Variants in GNB4 observed in about 807,000 individuals in gnomAD.
GNB4 encodes G protein subunit beta 4.
Under a neutral mutation model 45.2 loss-of-function variants are expected in GNB4, and 28 were observed. The ratio of observed to expected loss-of-function variants is 0.62; its 90% confidence interval spans 0.46 to 0.85. The LOEUF (loss-of-function observed/expected upper bound fraction) is 0.85, where lower values mean the gene tolerates loss of function less well. GNB4 is among the 40% of genes least tolerant of loss of function. The pLI, the probability that GNB4 is intolerant of heterozygous loss-of-function variation, is 0.00. For synonymous variants in GNB4, 132 were observed against 143.7 expected (o/e 0.92, Z 0.58); for missense variants, 321 against 425.4 (o/e 0.75, Z 2.16).
chr3:179,485,226 A>C, the GNB4 span, among the ~76,000 whole-genome samples: 1 of 151,702 alleles, frequency 6.6e-6, no homozygotes, highest in Non-Finnish European at 1.5e-5. Context: ...GTTAGCCAGG[A>C]TGGTCTCCAT....
rs1474819930 is a variant in GNB4, at chr3:179,397,303, C to CA, written c.*3909dup. 4 of 152,134 alleles carry CA rather than the reference C, an allele frequency of 2.6e-5. No homozygotes were observed. The highest frequency in any genetic ancestry group is 9.7e-5 in the African/African-American group (4 of 41,434). The allele number at this position is 152,134 out of a possible 1,614,324, so 9.4% of individuals were successfully genotyped here. ...ATGCTTAAGGTCTTATTATTAAATCCAAAATACCAAAAGTATTAGAGGAGC... is the reference window on the plus strand; with the variant it reads ...ATGCTTAAGGTCTTATTATTAAATCCAAAAATACCAAAAGTATTAGAGGAGC... On this transcript the variant is annotated 3_prime_UTR_variant, in exon 10 of 10. Coordinates refer to ENST00000232564, the MANE Select transcript of GNB4 (RefSeq NM_021629.4).
At chr3:179,439,153 G>C (rs2108616128) in intron 1 of GNB4, among the ~76,000 whole-genome samples, 1 of 152,320 alleles carries the variant, frequency 6.6e-6, no homozygotes, top group East Asian at 1.9e-4. Context: ...TCTTCACGGT[G>C]AGTCTGAAGC....
chr3:179,480,713 C>T, the GNB4 span, among the ~76,000 whole-genome samples: 1 of 152,176 alleles, frequency 6.6e-6, no homozygotes, highest in South Asian at 2.1e-4. Context: ...TGTTACAAAA[C>T]TCCCACAGAT....
intron 1 of GNB4, among the ~76,000 whole-genome samples, chr3:179,448,427 AT>A (rs1559983789): frequency 6.7e-6 from 1 of 150,330 alleles, no homozygotes; most frequent in Non-Finnish European, 1.5e-5. Context: ...GTTCAAGATT[AT>A]TTTTTCAGTT....
At chr3:179,401,686 TATTCTCAACAAAAACAAGATTTTCA>T (rs1464597532) in intron 9 of GNB4, among the ~76,000 whole-genome samples, 1 of 152,212 alleles carries the variant, frequency 6.6e-6, no homozygotes, top group Non-Finnish European at 1.5e-5. Flanking sequence ...CTATGTATGC[TATTCTCAACAAAAACAAGATTTTCA>T]ATGAAGTTCA....
intron 8 of GNB4, among the ~76,000 whole-genome samples, chr3:179,411,275 G>C (rs1714643082): frequency 6.6e-6 from 1 of 151,982 alleles, no homozygotes; most frequent in Non-Finnish European, 1.5e-5. Context: ...ATTCTAAACA[G>C]TGTGAGAAAT....
At chr3:179,440,870 T>TATAG (rs200809006) in intron 1 of GNB4, among the ~76,000 whole-genome samples, 12 of 124,998 alleles carry the variant, frequency 9.6e-5, no homozygotes, top group Admixed American at 7.7e-4. Context: ...TTCCTATATA[T>TATAG]ATAGATAGAT....
chr3:179,492,209 CCT>C, the GNB4 span, among the ~76,000 whole-genome samples: 2 of 152,132 alleles, frequency 1.3e-5, no homozygotes, highest in Non-Finnish European at 2.9e-5. Context: ...ATTGCAGACA[CCT>C]GTAGCCTTCA....
the GNB4 span, among the ~76,000 whole-genome samples, chr3:179,484,218 C>A: frequency 1.2e-4 from 19 of 152,286 alleles, no homozygotes; most frequent in African/African-American, 4.6e-4. Flanking sequence ...AGAAACTAGA[C>A]TTATATAGGC....
At chr3:179,447,817 T>C (rs1235945698) in intron 1 of GNB4, among the ~76,000 whole-genome samples, 1 of 152,160 alleles carries the variant, frequency 6.6e-6, no homozygotes, top group Non-Finnish European at 1.5e-5. Flanking sequence ...AGATTTAGAA[T>C]GAGTGAAATG....
intron 2 of GNB4, among the ~76,000 whole-genome samples, chr3:179,423,939 G>A (rs553478438): frequency 3.3e-5 from 5 of 152,272 alleles, no homozygotes; most frequent in African/African-American, 7.2e-5. Context: ...AAAGAGTAAT[G>A]CGTGTTCAGG....
intron 3 of GNB4, among the ~76,000 whole-genome samples, chr3:179,420,083 A>C (rs1341000628): frequency 6.6e-6 from 1 of 151,618 alleles, no homozygotes; most frequent in African/African-American, 2.4e-5. Flanking sequence ...AAAGAAGCAT[A>C]AACTATATGA....
intron 3 of GNB4, 113 bp from the exon 4 acceptor site, chr3:179,419,618 C>A: frequency 1.4e-6 from 1 of 703,950 alleles, no homozygotes; most frequent in Non-Finnish European, 2.6e-6. Flanking sequence ...TTTATAGTAA[C>A]TGAAGGTAAT....
upstream of GNB4, among the ~76,000 whole-genome samples, chr3:179,455,931 C>T (rs1055639651): frequency 2.0e-4 from 30 of 152,106 alleles, no homozygotes; most frequent in Non-Finnish European, 1.9e-4. Context: ...GGGCTTTCCA[C>T]GGGCTACTTG....
the GNB4 span, among the ~76,000 whole-genome samples, chr3:179,509,066 G>A: frequency 1.3e-5 from 2 of 151,022 alleles, no homozygotes; most frequent in East Asian, 1.9e-4. Flanking sequence ...AGTCCTAGAA[G>A]TGATGACAGC....
At chr3:179,482,434 T>A in the GNB4 span, among the ~76,000 whole-genome samples, 1 of 152,236 alleles carries the variant, frequency 6.6e-6, no homozygotes, top group African/African-American at 2.4e-5. Flanking sequence ...CTGTGAACTT[T>A]GTTAAATTTT....
At chr3:179,432,567 G>C (rs1277255684) in intron 1 of GNB4, among the ~76,000 whole-genome samples, 1 of 152,202 alleles carries the variant, frequency 6.6e-6, no homozygotes, top group Non-Finnish European at 1.5e-5. Context: ...AGCCTAATAT[G>C]GCAAGTCCTA....
intron 5 of GNB4, among the ~76,000 whole-genome samples, chr3:179,415,644 G>GT (rs1408918418): frequency 1.4e-5 from 2 of 141,872 alleles, no homozygotes; most frequent in East Asian, 4.2e-4. Context: ...TGGAAAAAAG[G>GT]TGTATGAGAA....
chr3:179,440,880 T>TAGAGAGAGAGAG lies in GNB4; in HGVS notation c.-43+10454_-43+10465dup, dbSNP rs141411562. The stretch of plus-strand genomic sequence containing the variant: ...AAAAATTCCTATATATATAGATAGA[T>TAGAGAGAGAGAG]AGAGAGAGAGAGAGAGAGAGAGATA... On this transcript the variant is annotated intron_variant, in intron 1 of 9. Transcript: ENST00000232564. Among the ~76,000 whole-genome samples the TAGAGAGAGAGAG allele has an allele frequency of 8.7e-3, 1,300 of 149,114 alleles. 13 individuals are homozygous for TAGAGAGAGAGAG. Among genetic ancestry groups the TAGAGAGAGAGAG allele is most frequent in the African/African-American group, 0.03 (1,197 of 40,560 alleles).
Sources: allele counts gnomAD v4.1 joint callset (sites outside exome capture counted in the v4.1 genomes callset), GRCh38; gene constraint gnomAD v4.1.1; transcripts MANE v1.5; gene names NCBI Gene and HGNC (gene_info 2026-07-23, HGNC 2026-07-21).